LRBA: variants seen among roughly 807,000 people sequenced by gnomAD.
LRBA encodes the protein lipopolysaccharide-responsive and beige-like anchor protein.
In LRBA, 176 loss-of-function variants were observed where a neutral mutation model predicts 330.0. That is an observed-to-expected ratio of 0.53 (90% CI 0.47 to 0.60). The LOEUF is 0.60. LRBA is among the 20% of genes least tolerant of loss of function. The pLI is 0.00. For missense variants in LRBA, 3,259 were observed against 3,444.8 expected (o/e 0.95, Z 1.35); for synonymous variants, 1,230 against 1,193.0 (o/e 1.03, Z -0.64).
chr4:150,828,766 T>C lies in LRBA; in HGVS notation c.4730-145A>G, dbSNP rs1746666394. 7.5e-6 allele frequency: 5 copies of C among 662,294 alleles called. No individual in the cohort carries two copies. In the Admixed American group the frequency reaches 1.4e-4, roughly 18 times the overall value. 41.0% of individuals were successfully genotyped at this position (662,294 alleles called of 1,614,324 possible). A position where few individuals can be genotyped will look rare whatever the true frequency, so the allele number is the denominator to read the frequency against. ...AAAAAAGCAAAAACTAATTACGTATTCTACAGAATGTACTGAGTGGGTGCA... is the reference window on the plus strand; with the variant it reads ...AAAAAAGCAAAAACTAATTACGTATCCTACAGAATGTACTGAGTGGGTGCA... On this transcript the variant is annotated intron_variant, in intron 29 of 56. Coordinates refer to ENST00000651943, the MANE Select transcript of LRBA (RefSeq NM_001364905.1).
intron 46 of LRBA, among the ~76,000 whole-genome samples, chr4:150,425,512 T>C (rs928259564): frequency 3.7e-4 from 57 of 152,342 alleles, no homozygotes; most frequent in African/African-American, 1.3e-3. Flanking sequence ...ATAAGCTCAT[T>C]GCTTTGATCA....
intron 47 of LRBA, among the ~76,000 whole-genome samples, chr4:150,400,769 G>A (rs773501404): frequency 3.9e-5 from 6 of 152,152 alleles, no homozygotes; most frequent in Non-Finnish European, 8.8e-5. Flanking sequence ...GACTCCAGGA[G>A]TTTGAGACTG....
At chr4:150,394,618 T>TG (rs1561114224) in intron 47 of LRBA, among the ~76,000 whole-genome samples, 1 of 152,196 alleles carries the variant, frequency 6.6e-6, no homozygotes, top group East Asian at 1.9e-4. Flanking sequence ...CTGGCAGGCA[T>TG]GGCTATTGTC....
chr4:150,922,154 C>A (rs1733354402), intron 4 of LRBA, among the ~76,000 whole-genome samples: 1 of 152,180 alleles, frequency 6.6e-6, no homozygotes, highest in African/African-American at 2.4e-5. Context: ...AGCCACCACA[C>A]CTGGCCAAAA....
intron 47 of LRBA, among the ~76,000 whole-genome samples, chr4:150,359,084 A>C (rs941663523): frequency 2.0e-5 from 3 of 152,180 alleles, no homozygotes; most frequent in Admixed American, 6.5e-5. Flanking sequence ...AAAAAAGCAA[A>C]AGTTGCTGAA....
At chr4:150,998,305 A>G (rs1323334078) in intron 2 of LRBA, among the ~76,000 whole-genome samples, 1 of 150,690 alleles carries the variant, frequency 6.6e-6, no homozygotes, top group Admixed American at 6.6e-5. Flanking sequence ...GTGAGCCGAG[A>G]TCACGCCACT....
intron 17 of LRBA, among the ~76,000 whole-genome samples, chr4:150,891,701 C>G (rs1015329057): frequency 6.6e-6 from 1 of 152,148 alleles, no homozygotes; most frequent in South Asian, 2.1e-4. Flanking sequence ...AAATAAATCT[C>G]TCTCGTGAGT....
At chr4:150,577,473 T>C (rs1770697436) in intron 40 of LRBA, among the ~76,000 whole-genome samples, 1 of 151,826 alleles carries the variant, frequency 6.6e-6, no homozygotes, top group African/African-American at 2.4e-5. Context: ...ATATAAGAAC[T>C]AAAAATGTAG....
chr4:150,771,146 G>A (rs891339494), intron 34 of LRBA, among the ~76,000 whole-genome samples: 3 of 152,130 alleles, frequency 2.0e-5, no homozygotes, highest in Non-Finnish European at 4.4e-5. Flanking sequence ...CCAGCAGACT[G>A]TAAGATCACA....
At chr4:150,266,170 CAACAGACTCAA>C (rs1257733931) in intron 56 of LRBA, among the ~76,000 whole-genome samples, 1 of 152,090 alleles carries the variant, frequency 6.6e-6, no homozygotes, top group Non-Finnish European at 1.5e-5. Flanking sequence ...ATTATATAAG[CAACAGACTCAA>C]AAGAAGGAAC....
chr4:150,488,969 T>C (rs905193544), intron 41 of LRBA, among the ~76,000 whole-genome samples: 1 of 130,492 alleles, frequency 7.7e-6, no homozygotes, highest in Non-Finnish European at 1.6e-5. Flanking sequence ...ATATATTATA[T>C]ATAAGAATAT....
intron 22 of LRBA, among the ~76,000 whole-genome samples, chr4:150,866,702 C>T (rs895253249): frequency 2.6e-5 from 4 of 151,884 alleles, no homozygotes; most frequent in African/African-American, 4.8e-5. Context: ...AAAATGTATA[C>T]GAAAATGCTA....
chr4:150,392,990 C>T (rs533301288), intron 47 of LRBA, among the ~76,000 whole-genome samples: 39 of 151,398 alleles, frequency 2.6e-4, no homozygotes, highest in Non-Finnish European at 4.9e-4. Context: ...ATGTTCCGTA[C>T]ATGTATCCCA....
rs184126378 is a variant in LRBA at position 151,005,168 on chromosome 4, C to T, written c.216+9259G>A. Among the ~76,000 whole-genome samples, 351 of 150,338 alleles carry T rather than the reference C, an allele frequency of 2.3e-3. 1 individual carries two copies. The highest frequency in any genetic ancestry group is 8.1e-3 in the African/African-American group (331 of 40,936). On this transcript the variant is annotated intron_variant, in intron 2 of 56. Coordinates refer to ENST00000651943, the MANE Select transcript of LRBA (RefSeq NM_001364905.1). The stretch of plus-strand genomic sequence containing the variant: ...AGATTATAAAACACCCTGTAATGGC[C>T]GGGCACGGTGGCTCACGCCTGTAAT...
Position 150,682,716 on chromosome 4 carries a change from A to C in LRBA, c.5921+835T>G, listed in dbSNP as rs184632270. Among the ~76,000 whole-genome samples, 16 of 152,060 alleles carry C rather than the reference A, an allele frequency of 1.1e-4. No homozygotes were observed. In the East Asian group the frequency reaches 2.9e-3, roughly 27 times the overall value. On this transcript the variant is annotated intron_variant, in intron 37 of 56. Coordinates refer to ENST00000651943, the MANE Select transcript of LRBA (RefSeq NM_001364905.1). ...TAAAACACAAATGGAAGCAAATTAC[A>C]CTCTTATATAATATACAAGTAATTT...
At position 150,867,709 on chromosome 4, in the gene LRBA, G is replaced by A. The variant is rs143665533; in HGVS notation, c.2728C>T (p.Arg910Cys). Residue 910 changes from arginine to cysteine, a missense_variant, in exon 22 of 57, where the codon CGT (arginine) becomes TGT (cysteine). Physicochemically the swap from Arg to Cys is radical, Grantham distance 180. Coordinates refer to ENST00000651943, the MANE Select transcript of LRBA (RefSeq NM_001364905.1). ...HAVKYEWGGW[R>C]VWVDTLSITH... Reference sequence around the variant, plus strand: ...ATTGATAAAGTGTCTACCCATACACGCCAGCCACCCCACTCATATTTGACT... The same window carrying A: ...ATTGATAAAGTGTCTACCCATACACACCAGCCACCCCACTCATATTTGACT... 18 of 1,613,132 alleles carry A rather than the reference G, an allele frequency of 1.1e-5. No individual in the cohort carries two copies. The highest frequency in any genetic ancestry group is 2.7e-5 in the African/African-American group (2 of 74,792).
At chr4:150,892,667 GA>G (rs1296272975) in intron 17 of LRBA, among the ~76,000 whole-genome samples, 4 of 152,218 alleles carry the variant, frequency 2.6e-5, no homozygotes, top group African/African-American at 9.6e-5. Flanking sequence ...TCAGAAGTGG[GA>G]GGTGGAGGAA....
chr4:150,313,227 C>A (rs930188350), intron 51 of LRBA, among the ~76,000 whole-genome samples: 1 of 151,698 alleles, frequency 6.6e-6, no homozygotes, highest in African/African-American at 2.4e-5. Context: ...GTGAAATTTC[C>A]ATATGTTAAG....
rs727503779 is a variant in LRBA, at chr4:150,471,665, ATCTC to A, written c.6622_6625del (p.Glu2208TyrfsTer7). 3 of 1,608,820 alleles carry A rather than the reference ATCTC, an allele frequency of 1.9e-6. No homozygotes were observed. Among genetic ancestry groups the A allele is most frequent in the Non-Finnish European group, 2.5e-6 (3 of 1,178,244 alleles). Reference sequence around the variant, plus strand: ...AAACATCAAGTACTCAAAATTAGATATCTCTCTGTGTTGCCATCGCTGGGTCATA... The same window carrying A: ...AAACATCAAGTACTCAAAATTAGATATCTGTGTTGCCATCGCTGGGTCATA... On this transcript the variant is annotated frameshift_variant, in exon 43 of 57. Coordinates refer to ENST00000651943, the MANE Select transcript of LRBA (RefSeq NM_001364905.1). LOFTEE classifies it high-confidence loss of function.
Sources: gnomAD v4.1 joint callset for allele counts (sites outside exome capture counted in the v4.1 genomes callset) on GRCh38, gnomAD v4.1.1 for gene constraint, MANE v1.5 for transcripts, NCBI Gene and HGNC (gene_info 2026-07-23, HGNC 2026-07-21) for gene names.